Variants in CTNNA1 observed in about 807,000 individuals in gnomAD.
The protein encoded by CTNNA1 is catenin alpha-1.
Under a neutral mutation model 98.4 loss-of-function variants are expected in CTNNA1, and 37 were observed. The observed-to-expected ratio is 0.38, with a 90% CI of 0.29 to 0.49. CTNNA1 has a LOEUF of 0.49. Among genes scored for constraint, CTNNA1 ranks in the 20% least tolerant of loss-of-function variants. The pLI is 0.95. For missense variants in CTNNA1, 761 were observed against 1,147.2 expected, an observed-to-expected ratio of 0.66 and a Z score of 4.86; for synonymous variants, 404 against 413.2, an observed-to-expected ratio of 0.98 and a Z score of 0.27.
intron 3 of CTNNA1, among the ~76,000 whole-genome samples, chr5:138,793,268 A>AAAT (rs1370691736): frequency 3.2e-4 from 48 of 152,286 alleles, no homozygotes; most frequent in African/African-American, 1.1e-3. Context: ...CTTAAACTAT[A>AAAT]AGTCTTTAGG....
In CTNNA1 at chr5:138,934,919, T is replaced by C. The variant is rs1004346811; in HGVS notation, c.*830T>C. On this transcript the variant is annotated 3_prime_UTR_variant, in exon 18 of 18. Coordinates refer to ENST00000302763, the MANE Select transcript of CTNNA1 (RefSeq NM_001903.5). ...TTACTGTAGTGATTGATTGATTGAT[T>C]ACTATTAACTACAAGGTATAATTTA... The C allele has an allele frequency of 1.3e-5, 2 of 151,744 alleles. No homozygotes were observed. The highest frequency in any genetic ancestry group is 2.9e-5 in the Non-Finnish European group (2 of 67,868). The allele number at this position is 151,744 out of a possible 1,614,324, so 9.4% of individuals were successfully genotyped here. A position where few individuals can be genotyped will look rare whatever the true frequency, so the allele number is the denominator to read the frequency against.
intron 1 of CTNNA1, among the ~76,000 whole-genome samples, chr5:138,758,957 C>G (rs1752023252): frequency 6.6e-6 from 1 of 152,156 alleles, no homozygotes; most frequent in Non-Finnish European, 1.5e-5. Context: ...GCATGCGCCA[C>G]CACACCTGGC....
At chr5:138,866,429 C>G (rs1234066968) in intron 7 of CTNNA1, among the ~76,000 whole-genome samples, 1 of 151,960 alleles carries the variant, frequency 6.6e-6, no homozygotes, top group African/African-American at 2.4e-5. Context: ...TTTTACACCT[C>G]TTCTGTGTGG....
rs543225548 is a variant in CTNNA1, at chr5:138,914,844, A to G, written c.1390-2898A>G. On this transcript the variant is annotated intron_variant, in intron 10 of 17. Transcript: ENST00000302763. ...TGTCTTTGCTTCCTTCCCAAGTTGC[A>G]TGATTATAAACACATTTACTGGGCC... 3.3e-5 allele frequency among the ~76,000 whole-genome samples: 5 copies of G among 152,218 alleles called. No individual in the cohort carries two copies. The South Asian group carries it at 1.0e-3, about 32-fold the overall frequency.
chr5:138,928,512 G>T (rs1204211430), intron 13 of CTNNA1, among the ~76,000 whole-genome samples: 1 of 152,186 alleles, frequency 6.6e-6, no homozygotes, highest in Non-Finnish European at 1.5e-5. Context: ...CATAAAGTAG[G>T]AAAGTTATAC....
intron 9 of CTNNA1, among the ~76,000 whole-genome samples, chr5:138,897,913 T>C (rs1289771481): frequency 6.6e-6 from 1 of 152,212 alleles, no homozygotes; most frequent in Non-Finnish European, 1.5e-5. Context: ...TTGGTAGGCA[T>C]GACTAAAGAA....
chr5:138,903,469 T>C (rs1202479475), intron 9 of CTNNA1, among the ~76,000 whole-genome samples: 1 of 152,192 alleles, frequency 6.6e-6, no homozygotes, highest in East Asian at 1.9e-4. Context: ...GTGTATTCAG[T>C]TGGGCCCAGA....
intron 10 of CTNNA1, among the ~76,000 whole-genome samples, chr5:138,912,832 G>A (rs537799824): frequency 6.9e-4 from 105 of 152,228 alleles, no homozygotes; most frequent in African/African-American, 2.4e-3. Context: ...TAAGTAAGTG[G>A]TCCATTCCTG....
intron 1 of CTNNA1, among the ~76,000 whole-genome samples, chr5:138,768,470 AG>A (rs746927614): frequency 2.0e-5 from 3 of 151,130 alleles, no homozygotes; most frequent in Non-Finnish European, 2.9e-5. Context: ...CATGTTGGCC[AG>A]GGTGGCCTCA....
At chr5:138,919,423 T>C (rs568626934) in intron 11 of CTNNA1, among the ~76,000 whole-genome samples, 2 of 152,258 alleles carry the variant, frequency 1.3e-5, no homozygotes, top group South Asian at 4.1e-4. Flanking sequence ...CCAAATAAAA[T>C]GTAACAGCAT....
intron 3 of CTNNA1, 68 bp from the exon 4 acceptor site, chr5:138,809,970 T>A (rs1758503632): frequency 6.7e-7 from 1 of 1,501,420 alleles, no homozygotes; most frequent in Non-Finnish European, 9.0e-7. Context: ...TATTTTTATA[T>A]TTTTAAAAAT....
At chr5:138,800,777 T>A (rs960882698) in intron 3 of CTNNA1, among the ~76,000 whole-genome samples, 1 of 151,868 alleles carries the variant, frequency 6.6e-6, no homozygotes, top group African/African-American at 2.4e-5. Flanking sequence ...CATTCCAGCC[T>A]GGGCAACAAG....
At chr5:138,801,186 TATTAC>T in intron 3 of CTNNA1, among the ~76,000 whole-genome samples, 1 of 152,236 alleles carries the variant, frequency 6.6e-6, no homozygotes. Context: ...GCTACAAAAT[TATTAC>T]AGTAGTACAG....
chr5:138,839,224 A>ATT (rs113957482), intron 7 of CTNNA1, among the ~76,000 whole-genome samples: 1 of 147,646 alleles, frequency 6.8e-6, no homozygotes, highest in African/African-American at 2.5e-5. Context: ...TCTGCTTTTT[A>ATT]TTTTTTTTTT....
At chr5:138,764,251 A>G (rs559413733) in intron 1 of CTNNA1, among the ~76,000 whole-genome samples, 148 of 152,058 alleles carry the variant, frequency 9.7e-4, no homozygotes, top group African/African-American at 3.1e-3. Flanking sequence ...CTGTAATCCC[A>G]GTTACTCGGG....
chr5:138,930,680 G>C, intron 15 of CTNNA1, 26 bp downstream of exon 15: 1 of 1,602,272 alleles, frequency 6.2e-7, no homozygotes, highest in Non-Finnish European at 8.5e-7. Context: ...GCCCCACCAG[G>C]CTGCACAGGG....
At chr5:138,883,791 G>C (rs532387444) in intron 7 of CTNNA1, among the ~76,000 whole-genome samples, 16 of 152,320 alleles carry the variant, frequency 1.1e-4, no homozygotes, top group African/African-American at 3.8e-4. Context: ...TGACGTGAGT[G>C]CTTGAGTATC....
chr5:138,864,101 T>A (rs1246740564), intron 7 of CTNNA1, among the ~76,000 whole-genome samples: 4 of 152,202 alleles, frequency 2.6e-5, no homozygotes, highest in African/African-American at 9.7e-5. Context: ...TAGCTGGGAC[T>A]ACAGGTGCAC....
At chr5:138,862,784 C>T (rs976638476) in intron 7 of CTNNA1, among the ~76,000 whole-genome samples, 3 of 152,182 alleles carry the variant, frequency 2.0e-5, no homozygotes, top group African/African-American at 7.2e-5. Flanking sequence ...TATCAGTTCT[C>T]ATTTTGAATA....
Sources: allele counts gnomAD v4.1 joint callset (sites outside exome capture counted in the v4.1 genomes callset), GRCh38; gene constraint gnomAD v4.1.1; transcripts MANE v1.5; gene names NCBI Gene and HGNC (gene_info 2026-07-23, HGNC 2026-07-21).